Variants in CSGALNACT1 observed in about 807,000 individuals in gnomAD.
CSGALNACT1 encodes chondroitin sulfate N-acetylgalactosaminyltransferase 1.
CSGALNACT1 carries 52 observed loss-of-function variants against 51.0 expected under a neutral mutation model. The observed-to-expected ratio is 1.02, with a 90% CI of 0.82 to 1.29. CSGALNACT1 has a LOEUF of 1.29. Among genes scored for constraint, CSGALNACT1 ranks in the 50% most tolerant of loss-of-function variants. The probability of loss-of-function intolerance (pLI) is 0.00; values close to 1 mark genes in which losing one functional copy is unlikely to be tolerated. For synonymous variants in CSGALNACT1, 341 were observed against 254.4 expected (o/e 1.34, Z -3.24); for missense variants, 935 against 679.2 (o/e 1.38, Z -4.19).
intron 9 of CSGALNACT1, among the ~76,000 whole-genome samples, chr8:19,407,710 G>A (rs1391995090): frequency 6.6e-6 from 1 of 152,034 alleles, no homozygotes; most frequent in Non-Finnish European, 1.5e-5. Context: ...GAAAACCACA[G>A]GCGTGCGCAT....
At chr8:19,540,637 C>G (rs2084883270) in intron 3 of CSGALNACT1, among the ~76,000 whole-genome samples, 1 of 152,180 alleles carries the variant, frequency 6.6e-6, no homozygotes, top group Non-Finnish European at 1.5e-5. Context: ...ATCTCTACTT[C>G]CTTCTCCTGC....
At chr8:19,664,031 C>CG (rs199586225) in intron 1 of CSGALNACT1, among the ~76,000 whole-genome samples, 2,003 of 152,328 alleles carry the variant, frequency 0.013, 50 homozygotes, top group African/African-American at 0.045. Flanking sequence ...GGTGAAAGCG[C>CG]GGGCCAGGGG....
At chr8:19,512,846 G>A (rs1378993981) in intron 3 of CSGALNACT1, among the ~76,000 whole-genome samples, 1 of 152,180 alleles carries the variant, frequency 6.6e-6, no homozygotes, top group East Asian at 1.9e-4. Flanking sequence ...AATCTGTAAA[G>A]TTAAAACAGA....
At chr8:19,452,040 T>C (rs902370571) in intron 5 of CSGALNACT1, among the ~76,000 whole-genome samples, 1 of 152,204 alleles carries the variant, frequency 6.6e-6, no homozygotes, top group African/African-American at 2.4e-5. Flanking sequence ...GTGCCAAAAA[T>C]AGTTGAAAAT....
intron 3 of CSGALNACT1, among the ~76,000 whole-genome samples, chr8:19,578,122 G>T (rs529689963): frequency 5.3e-5 from 8 of 152,310 alleles, no homozygotes; most frequent in South Asian, 4.2e-4. Flanking sequence ...GGCACCGCAG[G>T]TCGTCCCTGA....
chr8:19,481,706 T>C (rs191533790), intron 4 of CSGALNACT1, among the ~76,000 whole-genome samples: 263 of 152,306 alleles, frequency 1.7e-3, no homozygotes, highest in Non-Finnish European at 2.9e-3. Context: ...CTCTGGCTTT[T>C]CTACCCGGGC....
intron 1 of CSGALNACT1, among the ~76,000 whole-genome samples, chr8:19,730,752 G>A (rs940605864): frequency 6.6e-6 from 1 of 152,166 alleles, no homozygotes; most frequent in Non-Finnish European, 1.5e-5. Context: ...TGTGTTCTTA[G>A]AGTAGAATGT....
intron 5 of CSGALNACT1, among the ~76,000 whole-genome samples, chr8:19,456,528 G>C (rs1232651333): frequency 1.3e-5 from 2 of 152,236 alleles, no homozygotes; most frequent in African/African-American, 4.8e-5. Flanking sequence ...CGCAGGTTCA[G>C]TCATTCTGGA....
At chr8:19,703,678 C>T (rs1032974622) in intron 1 of CSGALNACT1, among the ~76,000 whole-genome samples, 1 of 152,138 alleles carries the variant, frequency 6.6e-6, no homozygotes, top group Non-Finnish European at 1.5e-5. Context: ...TGCACAGCAC[C>T]TTCCACAGTA....
Position 19,713,395 on chromosome 8 carries a change from G to T in CSGALNACT1, c.-297+44455C>A, listed in dbSNP as rs80092579. Among the ~76,000 whole-genome samples the T allele has an allele frequency of 8.7e-3, 1,319 of 152,294 alleles. 25 individuals carry two copies. The highest frequency in any genetic ancestry group is 0.03 in the African/African-American group (1,267 of 41,556). ...CCTAGAAGAAAATTGTATAAAGAGGGATGAAGACTTAGTAAGTGTTATGCG... is the reference window on the plus strand; with the variant it reads ...CCTAGAAGAAAATTGTATAAAGAGGTATGAAGACTTAGTAAGTGTTATGCG... On this transcript the variant is annotated intron_variant, in intron 1 of 1. Transcript: ENST00000517494.
intron 4 of CSGALNACT1, among the ~76,000 whole-genome samples, chr8:19,498,093 G>T (rs756818751): frequency 2.6e-5 from 4 of 152,114 alleles, no homozygotes; most frequent in Non-Finnish European, 4.4e-5. Context: ...GTGTCAACGG[G>T]CACGTATCCA....
At chr8:19,520,943 A>G (rs1007048583) in intron 3 of CSGALNACT1, among the ~76,000 whole-genome samples, 1 of 152,188 alleles carries the variant, frequency 6.6e-6, no homozygotes, top group Non-Finnish European at 1.5e-5. Context: ...TGGCTTCTCT[A>G]CAATCTACAG....
chr8:19,477,222 T>A (rs1345562447), intron 4 of CSGALNACT1, among the ~76,000 whole-genome samples: 1 of 152,144 alleles, frequency 6.6e-6, no homozygotes, highest in African/African-American at 2.4e-5. Context: ...CTTATGCCAC[T>A]CCAGGCATGC....
chr8:19,600,313 C>T (rs575900000), intron 2 of CSGALNACT1, among the ~76,000 whole-genome samples: 1 of 152,176 alleles, frequency 6.6e-6, no homozygotes, highest in African/African-American at 2.4e-5. Flanking sequence ...AACTCTTGAC[C>T]TTGTGATCCA....
intron 3 of CSGALNACT1, among the ~76,000 whole-genome samples, chr8:19,581,078 C>T (rs937705171): frequency 7.2e-5 from 11 of 152,170 alleles, no homozygotes; most frequent in African/African-American, 2.2e-4. Context: ...AAAGAAGCAA[C>T]GGCTACACAG....
At chr8:19,472,580 C>G (rs1369246345) in intron 4 of CSGALNACT1, among the ~76,000 whole-genome samples, 1 of 152,164 alleles carries the variant, frequency 6.6e-6, no homozygotes, top group Non-Finnish European at 1.5e-5. Context: ...TGCTATGCTC[C>G]CAGACCAAAG....
intron 1 of CSGALNACT1, among the ~76,000 whole-genome samples, chr8:19,731,751 G>A (rs1277738054): frequency 6.6e-6 from 1 of 152,130 alleles, no homozygotes; most frequent in African/African-American, 2.4e-5. Flanking sequence ...TACCACAATA[G>A]AAAATAATTC....
At chr8:19,575,644 T>C (rs938291710) in intron 3 of CSGALNACT1, among the ~76,000 whole-genome samples, 1 of 152,240 alleles carries the variant, frequency 6.6e-6, no homozygotes, top group Non-Finnish European at 1.5e-5. Flanking sequence ...TCTAGGATAC[T>C]GAGAAATTTT....
In CSGALNACT1 at chr8:19,583,511, A is replaced by G. The variant is rs115595496; in HGVS notation, c.-297+7649T>C. Among the ~76,000 whole-genome samples, 1,482 of 152,296 alleles carry G rather than the reference A, an allele frequency of 9.7e-3. 21 individuals carry two copies. The highest frequency in any genetic ancestry group is 0.034 in the African/African-American group (1,399 of 41,550). ...AGTACCAGATCAGCTTCTGGCATTA[A>G]AAGTACAGTCATTTGATTCCATTCT... On this transcript the variant is annotated intron_variant, in intron 3 of 9. Transcript: ENST00000454498.
Sources: gnomAD v4.1 joint callset for allele counts (sites outside exome capture counted in the v4.1 genomes callset) on GRCh38, gnomAD v4.1.1 for gene constraint, MANE v1.5 for transcripts, NCBI Gene and HGNC (gene_info 2026-07-23, HGNC 2026-07-21) for gene names.